VPS8: variants seen among roughly 807,000 people sequenced by gnomAD.
VPS8 encodes the protein vacuolar protein sorting-associated protein 8 homolog.
In VPS8, 129 loss-of-function variants were observed where a neutral mutation model predicts 216.4. The ratio of observed to expected loss-of-function variants is 0.60; its 90% CI spans 0.52 to 0.69. VPS8 has a LOEUF of 0.69. Among genes scored for constraint, VPS8 ranks in the 30% least tolerant of loss-of-function variants. VPS8 has a pLI of 0.00. For missense variants in VPS8, 1,531 were observed against 1,683.5 expected, an observed-to-expected ratio of 0.91 and a Z score of 1.59; for synonymous variants, 571 against 565.4, an observed-to-expected ratio of 1.01 and a Z score of -0.14.
intron 37 of VPS8, among the ~76,000 whole-genome samples, chr3:184,960,645 C>CT (rs968234400): frequency 4.6e-5 from 7 of 152,100 alleles, no homozygotes; most frequent in African/African-American, 1.7e-4. Flanking sequence ...TGTATTCTCT[C>CT]TTTTTTGTAT....
intron 41 of VPS8, 38 bp downstream of exon 41, chr3:184,982,685 T>C (rs929984854): frequency 2.0e-6 from 3 of 1,482,360 alleles, no homozygotes; most frequent in African/African-American, 2.8e-5. Context: ...AGTCCACCTG[T>C]ATCATCAGTC....
intron 31 of VPS8, among the ~76,000 whole-genome samples, chr3:184,927,446 C>G (rs1739863819): frequency 6.6e-6 from 1 of 152,110 alleles, no homozygotes; most frequent in Non-Finnish European, 1.5e-5. Context: ...GGTAAAAGAA[C>G]AGCTGGTAAA....
chr3:184,946,842 T>C (rs1743765043), intron 36 of VPS8, among the ~76,000 whole-genome samples: 1 of 151,888 alleles, frequency 6.6e-6, no homozygotes, highest in Admixed American at 6.6e-5. Context: ...AAAAAAACTT[T>C]TTTTTCCTTT....
In VPS8 at chr3:185,036,839, T is replaced by G. The variant is rs1412256538; in HGVS notation, c.4057-11640T>G. The stretch of plus-strand genomic sequence containing the variant: ...ATGCAACAATAGGTTGTTGTAATTT[T>G]TACTTTACCATCTGTAGTCATTTCC... On this transcript the variant is annotated intron_variant, in intron 46 of 47. Transcript: ENST00000625842. Among the ~76,000 whole-genome samples the G allele has an allele frequency of 2.6e-5, 4 of 152,058 alleles. No homozygotes were observed. In the East Asian group the frequency reaches 7.7e-4, roughly 29 times the overall value.
At chr3:185,016,402 A>T (rs570799509) in intron 45 of VPS8, among the ~76,000 whole-genome samples, 1 of 152,312 alleles carries the variant, frequency 6.6e-6, no homozygotes, top group South Asian at 2.1e-4. Context: ...GAATAATGTA[A>T]CACTGTGAAA....
chr3:184,835,953 C>G (rs1267845555), intron 5 of VPS8, among the ~76,000 whole-genome samples: 1 of 152,136 alleles, frequency 6.6e-6, no homozygotes, highest in Non-Finnish European at 1.5e-5. Context: ...TTGTGATCCG[C>G]CCGCCTCAGC....
At chr3:184,820,423 T>C (rs1717326590) in intron 1 of VPS8, among the ~76,000 whole-genome samples, 15 of 152,218 alleles carry the variant, frequency 9.9e-5, no homozygotes, top group Admixed American at 9.2e-4. Context: ...CCTTTGTGAT[T>C]ACATTGGACC....
chr3:185,032,950 AGCCACCCCGCCCGG>A (rs1391534696), intron 46 of VPS8, among the ~76,000 whole-genome samples: 1 of 152,184 alleles, frequency 6.6e-6, no homozygotes, highest in Non-Finnish European at 1.5e-5. Context: ...TACAGGCGTG[AGCCACCCCGCCCGG>A]CCCCTTTATT....
chr3:184,915,108 C>T, intron 27 of VPS8, 55 bp downstream of exon 27: 1 of 1,582,106 alleles, frequency 6.3e-7, no homozygotes, highest in South Asian at 1.1e-5. Context: ...TTAAGACGCA[C>T]TGAAGACAAA....
At chr3:185,038,631 G>T (rs1759222788) in intron 46 of VPS8, among the ~76,000 whole-genome samples, 1 of 152,202 alleles carries the variant, frequency 6.6e-6, no homozygotes, top group Non-Finnish European at 1.5e-5. Flanking sequence ...AGTGAAGTCA[G>T]TTCCTCTGGG....
chr3:184,859,943 A>G (rs754272475), intron 14 of VPS8, 42 bp from the exon 15 acceptor site: 2 of 1,507,742 alleles, frequency 1.3e-6, no homozygotes, highest in Non-Finnish European at 1.8e-6. Flanking sequence ...AAAGTCCCTC[A>G]AACAGTAGCT....
chr3:185,022,233 G>A (rs1490443090), intron 45 of VPS8, among the ~76,000 whole-genome samples: 1 of 152,130 alleles, frequency 6.6e-6, no homozygotes, highest in Non-Finnish European at 1.5e-5. Context: ...ATGATTTTAA[G>A]TTTCCTGAAG....
At chr3:184,852,138 G>A (rs1050022537) in intron 10 of VPS8, among the ~76,000 whole-genome samples, 1 of 152,140 alleles carries the variant, frequency 6.6e-6, no homozygotes, top group African/African-American at 2.4e-5. Context: ...AAACTGGGCA[G>A]GTGTAAATGT....
intron 35 of VPS8, among the ~76,000 whole-genome samples, 180 bp downstream of exon 35, chr3:184,936,515 CTGTGTGTGTGTGTGTGTGTGTGTGTG>C (rs59011109): frequency 8.4e-6 from 1 of 119,370 alleles, no homozygotes; most frequent in Non-Finnish European, 1.7e-5. Context: ...CAACCTAATA[CTGTGTGTGTGTGTGTGTGTGTGTGTG>C]TGTGTGTGTG....
chr3:184,835,076 C>T, intron 5 of VPS8: 1 of 176,526 alleles, frequency 5.7e-6, no homozygotes, highest in Non-Finnish European at 1.2e-5. Context: ...AGATTGTGTG[C>T]TTGTTTTTTT....
chr3:184,816,463 CAGA>C lies in VPS8; in HGVS notation c.-89+4240_-89+4242del, dbSNP rs543077173. ...TCCTCATTTAGACATTCACCAACAACAGAAAGAGAAACAGAGGGTTGGGCTTTT... is the reference window on the plus strand; with the variant it reads ...TCCTCATTTAGACATTCACCAACAACAAGAGAAACAGAGGGTTGGGCTTTT... On this transcript the variant is annotated intron_variant, in intron 1 of 47. Coordinates refer to ENST00000625842, the MANE Select transcript of VPS8 (RefSeq NM_001009921.3). 7.2e-5 allele frequency among the ~76,000 whole-genome samples: 11 copies of C among 152,302 alleles called. No individual in the cohort carries two copies. In the South Asian group the frequency reaches 1.2e-3, roughly 17 times the overall value.
intron 46 of VPS8, among the ~76,000 whole-genome samples, chr3:185,026,494 C>T (rs994400593): frequency 8.7e-5 from 13 of 149,908 alleles, no homozygotes; most frequent in Admixed American, 2.0e-4. Flanking sequence ...TCACTGTAAC[C>T]TCTGCCTCCC....
intron 42 of VPS8, among the ~76,000 whole-genome samples, chr3:184,987,198 C>CCACCT (rs1442550527): frequency 6.6e-6 from 1 of 152,168 alleles, no homozygotes; most frequent in Admixed American, 6.5e-5. Flanking sequence ...ACTGCAACGT[C>CCACCT]CACCTCCCAG....
chr3:184,989,273 G>A (rs1751548293), intron 42 of VPS8, among the ~76,000 whole-genome samples: 1 of 152,184 alleles, frequency 6.6e-6, no homozygotes, highest in Non-Finnish European at 1.5e-5. Flanking sequence ...TCAAGTTTAG[G>A]AAGTGTCCCT....
Sources: allele counts gnomAD v4.1 joint callset (sites outside exome capture counted in the v4.1 genomes callset), GRCh38; gene constraint gnomAD v4.1.1; transcripts MANE v1.5; gene names NCBI Gene and HGNC (gene_info 2026-07-23, HGNC 2026-07-21).